CFAP47: variants seen among roughly 807,000 people sequenced by gnomAD.
CFAP47 encodes cilia and flagella associated protein 47.
CFAP47 carries 29 observed loss-of-function variants against 148.1 expected under a neutral mutation model. The ratio of observed to expected loss-of-function variants is 0.20; its 90% CI spans 0.15 to 0.27. CFAP47 has a LOEUF of 0.27. CFAP47 is among the 10% of genes least tolerant of loss of function. The probability of loss-of-function intolerance (pLI) is 1.00; values close to 1 mark genes in which losing one functional copy is unlikely to be tolerated. For synonymous variants in CFAP47, 664 were observed against 577.3 expected (o/e 1.15, Z -2.15); for missense variants, 1,872 against 1,697.5 (o/e 1.10, Z -1.81).
rs33916345 is a variant in CFAP47, at chrX:36,261,124, CT to C, written c.7444+9697del. Among the ~76,000 whole-genome samples the C allele has an allele frequency of 6.0e-3, 466 of 78,033 alleles. 1 individual carries two copies. Among genetic ancestry groups the C allele is most frequent in the African/African-American group, 7.8e-3 (157 of 20,044 alleles). The allele number at this position is 78,033 out of a possible 115,157, so 67.8% of individuals were successfully genotyped here. On this transcript the variant is annotated intron_variant, in intron 49 of 63. Coordinates refer to ENST00000378653, the MANE Select transcript of CFAP47 (RefSeq NM_001304548.2). ...TTACTTTAGCCTTGTAGTATAGTTT[CT>C]TTTTTTTTTTTTTTTTCCTTTTGCA...
rs1279074090 is a variant in CFAP47, at chrX:36,098,775, T to C, written c.4917-18T>C. 1 of 1,062,860 alleles carries C rather than the reference T, an allele frequency of 9.4e-7. No homozygotes were observed. The highest frequency in any genetic ancestry group is 2.2e-5 in the South Asian group (1 of 46,198). The allele number at this position is 1,062,860 out of a possible 1,213,427, so 87.6% of individuals were successfully genotyped here. On this transcript the variant is annotated intron_variant, in intron 30 of 63. Transcript: ENST00000378653. ...TGTATATTATATTATAATTTGAGTT[T>C]TTCTTTTTTAATTTTAGTGCTCAAG...
intron 19 of CFAP47, among the ~76,000 whole-genome samples, chrX:35,999,591 A>G (rs1273799690): frequency 8.9e-6 from 1 of 112,365 alleles, no homozygotes; most frequent in Admixed American, 9.4e-5. Context: ...AGTAAATAAA[A>G]GAAACAGAGT....
intron 45 of CFAP47, among the ~76,000 whole-genome samples, chrX:36,227,888 AATGG>A (rs1490412917): frequency 1.8e-5 from 2 of 111,994 alleles, no homozygotes; most frequent in Non-Finnish European, 3.8e-5. Flanking sequence ...ATGCCAAGGA[AATGG>A]TGACCTTCAG....
intron 33 of CFAP47, among the ~76,000 whole-genome samples, chrX:36,130,943 C>T (rs976391208): frequency 3.6e-5 from 4 of 110,180 alleles, no homozygotes; most frequent in Non-Finnish European, 5.7e-5. Context: ...TAGTGAGAGG[C>T]TGGGGGAGGT....
chrX:36,261,320 CTTTTTT>C (rs143068749), intron 49 of CFAP47, among the ~76,000 whole-genome samples: 65 of 20,445 alleles, frequency 3.2e-3, no homozygotes, highest in African/African-American at 0.015. Flanking sequence ...AGATACTATT[CTTTTTT>C]TTTTTTTTTT....
rs782270180 is a variant in CFAP47 at position 36,211,322 on chromosome X, G to A, written c.6817+6212G>A. On this transcript the variant is annotated intron_variant, in intron 45 of 63. Coordinates refer to ENST00000378653, the MANE Select transcript of CFAP47 (RefSeq NM_001304548.2). ...GACATGGCAAAGGCAGACAAGGCCT[G>A]TTATGAAAGAGAAATGAAAATATAT... 6.5e-4 allele frequency: 165 copies of A among 254,740 alleles called. 3 individuals are homozygous for A. The highest frequency in any genetic ancestry group is 4.7e-3 in the Middle Eastern group (3 of 645). The allele number at this position is 254,740 out of a possible 1,213,427, so 21.0% of individuals were successfully genotyped here. A position where few individuals can be genotyped will look rare whatever the true frequency, so the allele number is the denominator to read the frequency against.
chrX:36,257,408 T>G (rs1462441895), intron 49 of CFAP47, among the ~76,000 whole-genome samples: 1 of 110,398 alleles, frequency 9.1e-6, no homozygotes, highest in East Asian at 2.8e-4. Context: ...GAATATTTTC[T>G]TTTTCTTTTT....
chrX:36,279,328 CA>C lies in CFAP47; in HGVS notation c.7445-1152del, dbSNP rs1180987143. ...CTCTCTCTCTAAGGAGACCACACTCCAAAAAAATAGAATTTATTAAAAAAAA... is the reference window on the plus strand; with the variant it reads ...CTCTCTCTCTAAGGAGACCACACTCCAAAAAATAGAATTTATTAAAAAAAA... On this transcript the variant is annotated intron_variant, in intron 49 of 63. Transcript: ENST00000378653. 2.7e-5 allele frequency among the ~76,000 whole-genome samples: 3 copies of C among 111,347 alleles called. No homozygotes were observed. The Admixed American group carries it at 2.9e-4, about 11-fold the overall frequency.
intron 27 of CFAP47, among the ~76,000 whole-genome samples, chrX:36,070,008 C>T (rs1601959314): frequency 1.8e-5 from 2 of 111,485 alleles, no homozygotes; most frequent in East Asian, 2.8e-4. Context: ...TAGCCTAATG[C>T]ATCTACCACA....
chrX:36,026,180 T>G (rs962026372), intron 22 of CFAP47, among the ~76,000 whole-genome samples: 8 of 111,863 alleles, frequency 7.2e-5, no homozygotes, highest in African/African-American at 2.6e-4. Context: ...CAAGAAAAAT[T>G]AGGCAAAGAT....
intron 30 of CFAP47, among the ~76,000 whole-genome samples, chrX:36,095,333 A>G (rs1052581012): frequency 8.9e-6 from 1 of 112,031 alleles, no homozygotes; most frequent in African/African-American, 3.2e-5. Context: ...CATCAGGGAT[A>G]TTGGACTGTA....
chrX:36,239,996 C>G (rs782387482), intron 48 of CFAP47, among the ~76,000 whole-genome samples: 1 of 111,755 alleles, frequency 8.9e-6, no homozygotes, highest in Admixed American at 9.5e-5. Flanking sequence ...TTACTGCTGA[C>G]CGCTAAGCCA....
intron 46 of CFAP47, 38 bp from the exon 47 acceptor site, chrX:36,235,896 C>A (rs888858855): frequency 4.4e-5 from 19 of 434,587 alleles, no homozygotes; most frequent in Non-Finnish European, 7.4e-5. Flanking sequence ...TCATCAATAT[C>A]ATCTCTCTGA....
chrX:36,297,464 T>G (rs1556007058), intron 51 of CFAP47, among the ~76,000 whole-genome samples: 1 of 112,505 alleles, frequency 8.9e-6, no homozygotes, highest in African/African-American at 3.2e-5. Context: ...TTCTTTAGGT[T>G]AAAACATTTA....
intron 17 of CFAP47, among the ~76,000 whole-genome samples, chrX:35,992,739 A>G: frequency 9.0e-6 from 1 of 111,416 alleles, no homozygotes; most frequent in East Asian, 2.8e-4. Context: ...GATCAAAATG[A>G]TATCTTAGAC....
At chrX:36,332,483 T>C (rs1556014223) in intron 57 of CFAP47, among the ~76,000 whole-genome samples, 1 of 111,640 alleles carries the variant, frequency 9.0e-6, no homozygotes, top group East Asian at 2.8e-4. Context: ...TTATGTTTTT[T>C]CAGTTATCTC....
intron 49 of CFAP47, among the ~76,000 whole-genome samples, chrX:36,251,922 A>C (rs1555998310): frequency 9.0e-6 from 1 of 111,021 alleles, no homozygotes; most frequent in Non-Finnish European, 1.9e-5. Flanking sequence ...ATTTATGCAG[A>C]TTTCCGCAAT....
At chrX:36,068,753 C>T (rs1601958390) in intron 27 of CFAP47, among the ~76,000 whole-genome samples, 1 of 107,379 alleles carries the variant, frequency 9.3e-6, no homozygotes, top group South Asian at 4.2e-4. Flanking sequence ...GTCAAGAGAT[C>T]GAGACCATCC....
At chrX:35,947,584 C>T (rs1354728251) in intron 3 of CFAP47, among the ~76,000 whole-genome samples, 4 of 106,872 alleles carry the variant, frequency 3.7e-5, no homozygotes, top group African/African-American at 1.4e-4. Flanking sequence ...GGCCCATGCC[C>T]TAGAATGAGC....
Sources: gnomAD v4.1 joint callset for allele counts (sites outside exome capture counted in the v4.1 genomes callset) on GRCh38, gnomAD v4.1.1 for gene constraint, MANE v1.5 for transcripts, NCBI Gene and HGNC (gene_info 2026-07-23, HGNC 2026-07-21) for gene names.